The following PCSK6 variants were observed in gnomAD, a reference collection of about 807,000 sequenced individuals.
The protein encoded by PCSK6 is paired basic amino acid cleaving enzyme 4.
In PCSK6, 85 loss-of-function variants were observed where a neutral mutation model predicts 123.3. The ratio of observed to expected loss-of-function variants is 0.69; its 90% confidence interval spans 0.58 to 0.83. The LOEUF is 0.83. Among genes scored for constraint, PCSK6 ranks in the 40% least tolerant of loss-of-function variants. The pLI, the probability that PCSK6 is intolerant of heterozygous loss-of-function variation, is 0.00. For synonymous variants in PCSK6, 508 were observed against 516.0 expected (o/e 0.98, Z 0.21); for missense variants, 1,191 against 1,282.3 (o/e 0.93, Z 1.09).
intron 13 of PCSK6, among the ~76,000 whole-genome samples, chr15:101,350,598 A>T (rs141739077): frequency 6.6e-6 from 1 of 152,378 alleles, no homozygotes; most frequent in African/African-American, 2.4e-5. Context: ...ACCAATGGCA[A>T]TTAGACCGGG....
intron 12 of PCSK6, among the ~76,000 whole-genome samples, chr15:101,368,793 G>A (rs2041482945): frequency 6.6e-6 from 1 of 152,298 alleles, no homozygotes; most frequent in South Asian, 2.1e-4. Flanking sequence ...AGTGCACGCA[G>A]GAACACGGGG....
Position 101,314,297 on chromosome 15 carries a change from C to G in PCSK6, c.2570-792G>C, listed in dbSNP as rs549536789. Reference sequence around the variant, plus strand: ...CTGTCGACCTGGGTCAGATGTTGGACTAGTTGACTAGATAGCACCTCCTCT... The same window carrying G: ...CTGTCGACCTGGGTCAGATGTTGGAGTAGTTGACTAGATAGCACCTCCTCT... On this transcript the variant is annotated intron_variant, in intron 19 of 21. Transcript: ENST00000611716. Among the ~76,000 whole-genome samples, 5 of 152,296 alleles carry G rather than the reference C, an allele frequency of 3.3e-5. No homozygotes were observed. In the South Asian group the frequency reaches 8.3e-4, roughly 25 times the overall value.
At chr15:101,482,014 G>A (rs550019154) in intron 1 of PCSK6, among the ~76,000 whole-genome samples, 2 of 152,364 alleles carry the variant, frequency 1.3e-5, no homozygotes, top group Non-Finnish European at 2.9e-5. Context: ...GCATGTGCAC[G>A]CACCCGGTGG....
chr15:101,446,130 T>C (rs1213696053), intron 1 of PCSK6, among the ~76,000 whole-genome samples: 1 of 152,216 alleles, frequency 6.6e-6, no homozygotes, highest in Non-Finnish European at 1.5e-5. Context: ...TGGACACTTA[T>C]GTCCGGCCTA....
chr15:101,317,485 A>T (rs1273370554), intron 19 of PCSK6, among the ~76,000 whole-genome samples: 1 of 150,930 alleles, frequency 6.6e-6, no homozygotes. Context: ...ATTATAATAC[A>T]TGTAAAATTG....
At chr15:101,425,260 A>G (rs775137218) in intron 6 of PCSK6, among the ~76,000 whole-genome samples, 4 of 152,216 alleles carry the variant, frequency 2.6e-5, no homozygotes, top group Non-Finnish European at 4.4e-5. Context: ...GCCTTGACCC[A>G]AGGATCCAGT....
chr15:101,371,829 A>G (rs1227684302), intron 11 of PCSK6, among the ~76,000 whole-genome samples: 1 of 152,188 alleles, frequency 6.6e-6, no homozygotes, highest in Non-Finnish European at 1.5e-5. Flanking sequence ...GAGGGTGCCA[A>G]GCTTGTGTGC....
chr15:101,403,241 A>G (rs1273549702), intron 6 of PCSK6, among the ~76,000 whole-genome samples: 4 of 131,476 alleles, frequency 3.0e-5, no homozygotes, highest in Non-Finnish European at 4.7e-5. Flanking sequence ...TGGACACAGG[A>G]AGGGGAACAT....
chr15:101,344,033 G>A (rs370325890), intron 13 of PCSK6, among the ~76,000 whole-genome samples: 11 of 151,770 alleles, frequency 7.2e-5, no homozygotes, highest in South Asian at 6.2e-4. Context: ...CCGAGATTGC[G>A]TCACTGCACT....
At chr15:101,430,859 A>G (rs1307191147) in intron 4 of PCSK6, among the ~76,000 whole-genome samples, 1 of 152,336 alleles carries the variant, frequency 6.6e-6, no homozygotes, top group East Asian at 1.9e-4. Flanking sequence ...TTCTCTTATG[A>G]ACCATTTTAC....
chr15:101,431,541 A>T, intron 3 of PCSK6, 78 bp from the exon 4 acceptor site: 1 of 1,575,452 alleles, frequency 6.3e-7, no homozygotes. Flanking sequence ...CACACCCCAC[A>T]GGGAGGCGCT....
intron 6 of PCSK6, among the ~76,000 whole-genome samples, chr15:101,421,762 C>A (rs1301409813): frequency 6.6e-6 from 1 of 152,196 alleles, no homozygotes; most frequent in Non-Finnish European, 1.5e-5. Context: ...AAACATTCAG[C>A]AAAGCCACTA....
intron 1 of PCSK6, among the ~76,000 whole-genome samples, chr15:101,477,272 TGTGTGTGC>T (rs2057756985): frequency 6.7e-6 from 1 of 149,788 alleles, no homozygotes; most frequent in Non-Finnish European, 1.5e-5. Flanking sequence ...TGTGTCTGTG[TGTGTGTGC>T]ATGCATACCT....
intron 2 of PCSK6, among the ~76,000 whole-genome samples, chr15:101,435,316 AAAAAAG>A (rs2056567123): frequency 1.5e-5 from 2 of 129,640 alleles, no homozygotes; most frequent in African/African-American, 3.2e-5. Flanking sequence ...GTCTCAAAAA[AAAAAAG>A]AAAGAAAGAA....
chr15:101,469,045 T>C (rs2057536489), intron 1 of PCSK6, among the ~76,000 whole-genome samples: 1 of 152,186 alleles, frequency 6.6e-6, no homozygotes, highest in African/African-American at 2.4e-5. Flanking sequence ...AGTTCTCATT[T>C]TGTCACTAGC....
chr15:101,471,358 C>A (rs1206918697), intron 1 of PCSK6, among the ~76,000 whole-genome samples: 2 of 152,252 alleles, frequency 1.3e-5, no homozygotes, highest in African/African-American at 2.4e-5. Flanking sequence ...CACAAAAATA[C>A]CTTTCTCCCA....
chr15:101,487,221 T>C (rs2058040462), intron 1 of PCSK6, among the ~76,000 whole-genome samples: 1 of 152,252 alleles, frequency 6.6e-6, no homozygotes, highest in Non-Finnish European at 1.5e-5. Context: ...CACAAGCCTC[T>C]GAGACAGCTC....
chr15:101,341,096 A>G (rs183611941), intron 13 of PCSK6, among the ~76,000 whole-genome samples: 129 of 148,794 alleles, frequency 8.7e-4, no homozygotes, highest in Admixed American at 2.4e-3. Flanking sequence ...CACCACACCC[A>G]GCTAAATTTT....
chr15:101,429,962 G>T, intron 5 of PCSK6, 25 bp downstream of exon 5: 2 of 1,581,844 alleles, frequency 1.3e-6, no homozygotes, highest in Non-Finnish European at 1.7e-6. Context: ...AAGAGAAGCC[G>T]GGGAGATGAG....
Sources: gnomAD v4.1 joint callset for allele counts (sites outside exome capture counted in the v4.1 genomes callset) on GRCh38, gnomAD v4.1.1 for gene constraint, MANE v1.5 for transcripts, NCBI Gene and HGNC (gene_info 2026-07-23, HGNC 2026-07-21) for gene names.